The following EXT1 variants were observed in gnomAD, a reference collection of about 807,000 sequenced individuals.
EXT1 encodes the protein exostosin-1.
In EXT1, 20 loss-of-function variants were observed where a neutral mutation model predicts 82.5. That is an observed-to-expected ratio of 0.24 (90% CI 0.17 to 0.35). The LOEUF (loss-of-function observed/expected upper bound fraction) is 0.35. Among genes scored for constraint, EXT1 ranks in the 10% least tolerant of loss-of-function variants. The pLI, the probability that EXT1 is intolerant of heterozygous loss-of-function variation, is 1.00. For synonymous variants in EXT1, 348 were observed against 350.8 expected, an observed-to-expected ratio of 0.99 and a Z score of 0.09; for missense variants, 757 against 936.5, an observed-to-expected ratio of 0.81 and a Z score of 2.50.
At chr8:117,898,455 TAG>T (rs1813383550) in intron 1 of EXT1, among the ~76,000 whole-genome samples, 8 of 152,214 alleles carry the variant, frequency 5.3e-5, no homozygotes, top group Admixed American at 5.2e-4. Flanking sequence ...AGCATTGGAT[TAG>T]AAAGAAAACT....
At chr8:118,096,200 A>T (rs765881447) in intron 1 of EXT1, among the ~76,000 whole-genome samples, 6 of 152,242 alleles carry the variant, frequency 3.9e-5, no homozygotes, top group Non-Finnish European at 4.4e-5. Context: ...GTTAAATGAT[A>T]AAAAGATCAT....
At chr8:117,888,862 T>C (rs143060876) in intron 1 of EXT1, among the ~76,000 whole-genome samples, 1 of 152,346 alleles carries the variant, frequency 6.6e-6, no homozygotes, top group Non-Finnish European at 1.5e-5. Context: ...TAGTAAGTAA[T>C]GCTGCCTATC....
chr8:117,904,852 A>AT (rs1477351955), intron 1 of EXT1, among the ~76,000 whole-genome samples: 1 of 151,634 alleles, frequency 6.6e-6, no homozygotes, highest in Non-Finnish European at 1.5e-5. Flanking sequence ...GAAAAAAAAA[A>AT]GTGTGAAGAA....
chr8:117,980,499 A>C (rs148875054), intron 1 of EXT1, among the ~76,000 whole-genome samples: 1 of 152,240 alleles, frequency 6.6e-6, no homozygotes, highest in Non-Finnish European at 1.5e-5. Flanking sequence ...TCTTCCTTAC[A>C]AACTACACTA....
At chr8:118,007,165 C>A (rs946673798) in intron 1 of EXT1, among the ~76,000 whole-genome samples, 2 of 151,944 alleles carry the variant, frequency 1.3e-5, no homozygotes, top group African/African-American at 4.8e-5. Context: ...GGCGTGTTGG[C>A]GGGCGCCTGT....
chr8:118,030,242 A>G (rs998355213), intron 1 of EXT1, among the ~76,000 whole-genome samples: 1 of 148,386 alleles, frequency 6.7e-6, no homozygotes. Flanking sequence ...CATACTTAGA[A>G]AAAAAAAAAA....
At chr8:117,824,062 T>G (rs1811969056) in intron 4 of EXT1, among the ~76,000 whole-genome samples, 1 of 152,242 alleles carries the variant, frequency 6.6e-6, no homozygotes, top group Non-Finnish European at 1.5e-5. Context: ...CCAAACGTAC[T>G]GTCTATTTAT....
rs1471755255 is a variant in EXT1 at position 117,809,209 on chromosome 8, G to GTATAAATATATATATATATATATATA, written c.1723-1833_1723-1832insTATATATATATATATATATATTTATA. On this transcript the variant is annotated intron_variant, in intron 8 of 10. Transcript: ENST00000378204. ...TGTGTGTAGGTATATATATGTGTGTGTGTGTATAAATATATATATATATAT... is the reference window on the plus strand; with the variant it reads ...TGTGTGTAGGTATATATATGTGTGTGTATAAATATATATATATATATATATATGTGTATAAATATATATATATATAT... Among the ~76,000 whole-genome samples, 50 of 85,994 alleles carry GTATAAATATATATATATATATATATA rather than the reference G, an allele frequency of 5.8e-4. 1 individual carries two copies. The highest frequency in any genetic ancestry group is 7.0e-4 in the African/African-American group (17 of 24,318). The allele number at this position is 85,994 out of a possible 152,430, so 56.4% of individuals were successfully genotyped here.
At chr8:117,849,718 C>A (rs1314797331) in intron 1 of EXT1, among the ~76,000 whole-genome samples, 1 of 152,070 alleles carries the variant, frequency 6.6e-6, no homozygotes, top group Non-Finnish European at 1.5e-5. Context: ...TAAAGTGATA[C>A]AATGAAACCC....
chr8:117,894,148 C>T (rs981118617), intron 1 of EXT1, among the ~76,000 whole-genome samples: 7 of 152,252 alleles, frequency 4.6e-5, no homozygotes, highest in African/African-American at 1.2e-4. Flanking sequence ...TTTTACTACT[C>T]TAATCACTCT....
intron 1 of EXT1, among the ~76,000 whole-genome samples, chr8:118,107,908 G>A (rs942588962): frequency 1.3e-5 from 2 of 152,126 alleles, no homozygotes; most frequent in African/African-American, 4.8e-5. Flanking sequence ...AAATCCAGAA[G>A]TGTCCCTGCT....
At chr8:117,891,706 A>T (rs1332196099) in intron 1 of EXT1, among the ~76,000 whole-genome samples, 1 of 152,102 alleles carries the variant, frequency 6.6e-6, no homozygotes, top group Non-Finnish European at 1.5e-5. Flanking sequence ...CCCTCCTCAC[A>T]TAAAAAATAT....
At chr8:118,101,260 A>C (rs998233409) in intron 1 of EXT1, among the ~76,000 whole-genome samples, 9 of 152,160 alleles carry the variant, frequency 5.9e-5, no homozygotes, top group Non-Finnish European at 1.2e-4. Flanking sequence ...ACTTTGGGGG[A>C]TCAGCTACTG....
intron 1 of EXT1, among the ~76,000 whole-genome samples, chr8:117,935,843 A>G (rs1814149779): frequency 6.6e-6 from 1 of 152,196 alleles, no homozygotes; most frequent in Non-Finnish European, 1.5e-5. Flanking sequence ...ATACTGGAAT[A>G]TAAACACTAA....
chr8:117,920,642 C>T (rs905423572), intron 1 of EXT1, among the ~76,000 whole-genome samples: 7 of 152,168 alleles, frequency 4.6e-5, no homozygotes, highest in Non-Finnish European at 1.0e-4. Context: ...TTACAGCATG[C>T]CTTTACACGA....
At chr8:117,961,954 G>C (rs929138244) in intron 1 of EXT1, among the ~76,000 whole-genome samples, 1 of 152,166 alleles carries the variant, frequency 6.6e-6, no homozygotes, top group East Asian at 1.9e-4. Context: ...TCCTCCATAA[G>C]TGAGTGCTGA....
rs1014156575 is a variant in EXT1 at position 117,880,220 on chromosome 8, G to C, written c.963-43019C>G. Among the ~76,000 whole-genome samples, 20 of 151,106 alleles carry C rather than the reference G, an allele frequency of 1.3e-4. 1 individual carries two copies. Among genetic ancestry groups the C allele is most frequent in the Middle Eastern group, 3.4e-3 (1 of 292 alleles). On this transcript the variant is annotated intron_variant, in intron 1 of 10. Transcript: ENST00000378204. ...TGTAGAACTCTGCTTACCAGTTCTAGATTCATTTGCTTCAAGCAACATGCC... is the reference window on the plus strand; with the variant it reads ...TGTAGAACTCTGCTTACCAGTTCTACATTCATTTGCTTCAAGCAACATGCC...
rs1336183909 is a variant in EXT1 at position 117,795,122 on chromosome 8, C to G, written c.*4590G>C. The G allele has an allele frequency of 6.6e-6, 1 of 152,172 alleles. No homozygotes were observed. Among genetic ancestry groups the G allele is most frequent in the Admixed American group, 6.5e-5 (1 of 15,280 alleles). The allele number at this position is 152,172 out of a possible 1,614,324, so 9.4% of individuals were successfully genotyped here. On this transcript the variant is annotated 3_prime_UTR_variant, in exon 11 of 11. Transcript: ENST00000378204. ...CAGAGTGACTGAAAGGCTAGCCTGA[C>G]TTGATTTTAAACAAGGGTGAGACTG...
chr8:117,825,660 G>A (rs1398356216), intron 4 of EXT1, among the ~76,000 whole-genome samples: 1 of 152,116 alleles, frequency 6.6e-6, no homozygotes, highest in Non-Finnish European at 1.5e-5. Context: ...GTCATTCTAT[G>A]TAGCCCTTCA....
Sources: allele counts gnomAD v4.1 joint callset (sites outside exome capture counted in the v4.1 genomes callset), GRCh38; gene constraint gnomAD v4.1.1; transcripts MANE v1.5; gene names NCBI Gene and HGNC (gene_info 2026-07-23, HGNC 2026-07-21).